PTPRD: variants seen among roughly 807,000 people sequenced by gnomAD.
PTPRD encodes the protein receptor-type tyrosine-protein phosphatase delta.
A neutral mutation model predicts 214.5 loss-of-function variants in PTPRD; 34 were observed. That is an observed-to-expected ratio of 0.16 (90% CI 0.12 to 0.21). The LOEUF (loss-of-function observed/expected upper bound fraction) is 0.21, where lower values mean the gene tolerates loss of function less well. Among genes scored for constraint, PTPRD ranks in the 10% least tolerant of loss-of-function variants. The pLI is 1.00. For missense variants in PTPRD, 2,545 were observed against 2,398.7 expected (o/e 1.06, Z -1.27); for synonymous variants, 1,128 against 845.7 (o/e 1.33, Z -5.79).
intron 14 of PTPRD, among the ~76,000 whole-genome samples, chr9:8,600,017 G>C (rs1344028252): frequency 6.6e-6 from 1 of 152,204 alleles, no homozygotes; most frequent in Admixed American, 6.5e-5. Context: ...AGGTAGAAAA[G>C]ACAGTGGTGA....
intron 7 of PTPRD, among the ~76,000 whole-genome samples, chr9:9,632,796 A>T (rs1307301691): frequency 6.6e-6 from 1 of 152,186 alleles, no homozygotes; most frequent in Non-Finnish European, 1.5e-5. Flanking sequence ...AAAGATAAAA[A>T]TGTGGCACTA....
chr9:9,412,038 G>C (rs1587672023), intron 8 of PTPRD, among the ~76,000 whole-genome samples: 1 of 152,298 alleles, frequency 6.6e-6, no homozygotes, highest in East Asian at 1.9e-4. Flanking sequence ...GGATCTTTCT[G>C]CTATGCCTAG....
At chr9:9,249,848 A>C (rs1269750477) in intron 9 of PTPRD, among the ~76,000 whole-genome samples, 2 of 152,108 alleles carry the variant, frequency 1.3e-5, no homozygotes, top group Non-Finnish European at 2.9e-5. Context: ...GAAAGGATTA[A>C]ATATTCTTTC....
At chr9:10,141,949 G>C (rs1232994596) in intron 3 of PTPRD, among the ~76,000 whole-genome samples, 2 of 152,124 alleles carry the variant, frequency 1.3e-5, no homozygotes, top group East Asian at 1.9e-4. Flanking sequence ...GAACAGAACA[G>C]AGCCCTCAGA....
At chr9:9,371,666 C>G (rs201821718) in intron 9 of PTPRD, among the ~76,000 whole-genome samples, 34 of 150,602 alleles carry the variant, frequency 2.3e-4, no homozygotes, top group African/African-American at 6.8e-4. Context: ...TTTTGAATGT[C>G]TTTGCTCTTG....
intron 11 of PTPRD, among the ~76,000 whole-genome samples, chr9:8,999,268 T>C (rs187176563): frequency 2.0e-5 from 3 of 152,114 alleles, no homozygotes; most frequent in East Asian, 1.9e-4. Context: ...GATGTGCAAT[T>C]GATGAAGCAA....
In PTPRD at chr9:8,708,557, T is replaced by C. The variant is rs147160952; in HGVS notation, c.64+25223A>G. ...AGCTGGGCATGGTGGTGGGCACCTG[T>C]AATCCCAGCTACTCAGGAGACTGAG... is the stretch of plus-strand genomic sequence containing the variant. On this transcript the variant is annotated intron_variant, in intron 12 of 45. Transcript: ENST00000381196. 1.9e-3 allele frequency among the ~76,000 whole-genome samples: 291 copies of C among 151,694 alleles called. 8 individuals are homozygous for C. The highest frequency in any genetic ancestry group is 6.8e-3 in the African/African-American group (280 of 41,360).
At chr9:10,148,312 A>T (rs2154275376) in intron 3 of PTPRD, among the ~76,000 whole-genome samples, 1 of 152,318 alleles carries the variant, frequency 6.6e-6, no homozygotes, top group South Asian at 2.1e-4. Context: ...CCTATTAATA[A>T]TCATTTATTC....
At chr9:9,717,706 G>C (rs1054584575) in intron 7 of PTPRD, among the ~76,000 whole-genome samples, 2 of 152,084 alleles carry the variant, frequency 1.3e-5, no homozygotes, top group Admixed American at 1.3e-4. Context: ...ACAATTTAGG[G>C]AATAATGGGA....
At chr9:9,848,215 G>T (rs150164859) in intron 5 of PTPRD, among the ~76,000 whole-genome samples, 13 of 152,166 alleles carry the variant, frequency 8.5e-5, no homozygotes, top group African/African-American at 2.9e-4. Context: ...ATTTTCAGAG[G>T]CACTAGCTGT....
At chr9:8,593,541 A>T (rs2094269140) in intron 14 of PTPRD, among the ~76,000 whole-genome samples, 1 of 152,232 alleles carries the variant, frequency 6.6e-6, no homozygotes, top group Admixed American at 6.5e-5. Context: ...TTCTTTTTGT[A>T]AACTCCTACT....
intron 8 of PTPRD, among the ~76,000 whole-genome samples, chr9:9,531,902 T>C (rs1389617389): frequency 3.3e-5 from 5 of 152,024 alleles, no homozygotes; most frequent in African/African-American, 9.7e-5. Context: ...TATAGATACA[T>C]GTAGATATTA....
chr9:9,980,712 G>GA (rs71321205), intron 4 of PTPRD, among the ~76,000 whole-genome samples: 107,725 of 143,358 alleles, frequency 0.75, 40,717 homozygotes, highest in Middle Eastern at 0.87. Context: ...GGGTGATACA[G>GA]AAAAAAAAAT....
intron 11 of PTPRD, among the ~76,000 whole-genome samples, chr9:8,831,522 A>G (rs1396272685): frequency 6.6e-6 from 1 of 152,200 alleles, no homozygotes; most frequent in African/African-American, 2.4e-5. Context: ...GCAAATCCCA[A>G]TCCAATTCAA....
intron 4 of PTPRD, among the ~76,000 whole-genome samples, chr9:9,976,024 A>C (rs549184134): frequency 6.6e-6 from 1 of 152,312 alleles, no homozygotes; most frequent in East Asian, 1.9e-4. Flanking sequence ...AAACTAGAAC[A>C]CCAGTCTTCA....
At chr9:8,335,009 G>GAAATTGAGA (rs1218952124) in intron 43 of PTPRD, among the ~76,000 whole-genome samples, 1 of 151,912 alleles carries the variant, frequency 6.6e-6, no homozygotes, top group Admixed American at 6.6e-5. Flanking sequence ...TGAAATTGAG[G>GAAATTGAGA]CAGTAATTAA....
chr9:9,062,783 A>G (rs1309294624), intron 10 of PTPRD, among the ~76,000 whole-genome samples: 2 of 152,170 alleles, frequency 1.3e-5, no homozygotes, highest in African/African-American at 4.8e-5. Context: ...TTCTACCTTT[A>G]TCTACAGTGA....
intron 8 of PTPRD, among the ~76,000 whole-genome samples, chr9:9,519,989 G>C (rs2096927477): frequency 6.6e-6 from 1 of 151,994 alleles, no homozygotes; most frequent in Admixed American, 6.6e-5. Flanking sequence ...AAAGTACAGA[G>C]CCTGAAAATA....
chr9:8,698,759 G>A (rs2097993983), intron 12 of PTPRD, among the ~76,000 whole-genome samples: 1 of 152,060 alleles, frequency 6.6e-6, no homozygotes, highest in African/African-American at 2.4e-5. Context: ...CTTTTCGCAG[G>A]AAACTAGATA....
Sources: gnomAD v4.1 joint callset for allele counts (sites outside exome capture counted in the v4.1 genomes callset) on GRCh38, gnomAD v4.1.1 for gene constraint, MANE v1.5 for transcripts, NCBI Gene and HGNC (gene_info 2026-07-23, HGNC 2026-07-21) for gene names.